The following KCTD7 variants were observed in gnomAD, a reference collection of about 807,000 sequenced individuals.
The protein encoded by KCTD7 is BTB/POZ domain-containing protein KCTD7.
A neutral mutation model predicts 27.0 loss-of-function variants in KCTD7; 15 were observed. The observed-to-expected ratio is 0.56, with a 90% confidence interval of 0.37 to 0.86. The LOEUF is 0.86. Among genes scored for constraint, KCTD7 ranks in the 40% least tolerant of loss-of-function variants. The pLI is 0.00. For missense variants in KCTD7, 299 were observed against 398.9 expected (o/e 0.75, Z 2.13); for synonymous variants, 159 against 162.7 (o/e 0.98, Z 0.17).
Position 66,642,175 on chromosome 7 carries a change from C to G in KCTD7, c.*2943C>G. 1 of 985,404 alleles carries G rather than the reference C, an allele frequency of 1.0e-6. No homozygotes were observed. The highest frequency in any genetic ancestry group is 1.2e-6 in the Non-Finnish European group (1 of 829,930). The allele number at this position is 985,404 out of a possible 1,614,324, so 61.0% of individuals were successfully genotyped here. On this transcript the variant is annotated 3_prime_UTR_variant, in exon 4 of 4. Transcript: ENST00000639828. Reference sequence around the variant, plus strand: ...GCAACAAAAAAAGACTGAAGCAAAACCACACTGAAATGCATCCCACTCCAG... The same window carrying G: ...GCAACAAAAAAAGACTGAAGCAAAAGCACACTGAAATGCATCCCACTCCAG...
chr7:66,639,767 G>C lies in KCTD7; in HGVS notation c.*535G>C, dbSNP rs1455764731. 1 of 1,250,640 alleles carries C rather than the reference G, an allele frequency of 8.0e-7. No individual in the cohort carries two copies. The highest frequency in any genetic ancestry group is 1.0e-6 in the Non-Finnish European group (1 of 998,770). 77.5% of individuals were successfully genotyped at this position (1,250,640 alleles called of 1,614,324 possible). A position where few individuals can be genotyped will look rare whatever the true frequency, so the allele number is the denominator to read the frequency against. ...TCCCACTGCACCCCTTCTCCTCCAA[G>C]AATAGTTGCCCACATTCCCAAAATG... On this transcript the variant is annotated 3_prime_UTR_variant, in exon 4 of 4. Coordinates refer to ENST00000639828, the MANE Select transcript of KCTD7 (RefSeq NM_153033.5).
At chr7:66,632,209 C>T (rs1041858451) in intron 1 of KCTD7, among the ~76,000 whole-genome samples, 7 of 150,204 alleles carry the variant, frequency 4.7e-5, no homozygotes, top group East Asian at 2.0e-4. Flanking sequence ...CATAGCAGGC[C>T]GGGCGTGGTG....
rs1024147017 is a variant in KCTD7 at position 66,642,150 on chromosome 7, G to C, written c.*2918G>C. On this transcript the variant is annotated 3_prime_UTR_variant, in exon 4 of 4. Coordinates refer to ENST00000639828, the MANE Select transcript of KCTD7 (RefSeq NM_153033.5). ...TAAAAATAAAAAAGCTAATGTTATA[G>C]CAACAAAAAAAGACTGAAGCAAAAC... 3.0e-6 allele frequency: 3 copies of C among 985,202 alleles called. No individual in the cohort carries two copies. In the African/African-American group the frequency reaches 5.2e-5, roughly 17 times the overall value. 61.0% of individuals were successfully genotyped at this position (985,202 alleles called of 1,614,324 possible).
At chr7:66,630,521 G>A (rs1249373484) in intron 1 of KCTD7, among the ~76,000 whole-genome samples, 2 of 152,222 alleles carry the variant, frequency 1.3e-5, no homozygotes, top group East Asian at 3.8e-4. Flanking sequence ...CCAGGAGCAT[G>A]TGGTATGCGG....
chr7:66,630,122 C>T (rs1786413199), intron 1 of KCTD7, among the ~76,000 whole-genome samples: 1 of 152,042 alleles, frequency 6.6e-6, no homozygotes, highest in Admixed American at 6.6e-5. Flanking sequence ...TGAAAATTAG[C>T]CAGGCTTGGT....
intron 2 of KCTD7, among the ~76,000 whole-genome samples, chr7:66,637,981 AG>A (rs1296728837): frequency 9.2e-5 from 14 of 152,368 alleles, no homozygotes; most frequent in African/African-American, 2.9e-4. Context: ...TAGTAATTAT[AG>A]TTGCTTACTG....
intron 1 of KCTD7, among the ~76,000 whole-genome samples, chr7:66,632,564 A>G (rs1055488246): frequency 1.3e-5 from 2 of 152,096 alleles, no homozygotes; most frequent in African/African-American, 4.8e-5. Flanking sequence ...TGAACAACCT[A>G]TAACACTGTA....
At position 66,639,921 on chromosome 7, in the gene KCTD7, C is replaced by T. The variant is rs368295714; in HGVS notation, c.*689C>T. The T allele has an allele frequency of 4.5e-5, 56 of 1,246,074 alleles. 1 individual carries two copies. In the South Asian group the frequency reaches 8.2e-4, roughly 18 times the overall value. 77.2% of individuals were successfully genotyped at this position (1,246,074 alleles called of 1,614,324 possible). ...AATGTTTACAGCCCTGTCTTAGGGCCGCGGCTTCTCTTATCTTCCACCACC... is the reference window on the plus strand; with the variant it reads ...AATGTTTACAGCCCTGTCTTAGGGCTGCGGCTTCTCTTATCTTCCACCACC... On this transcript the variant is annotated 3_prime_UTR_variant, in exon 4 of 4. Coordinates refer to ENST00000639828, the MANE Select transcript of KCTD7 (RefSeq NM_153033.5).
chr7:66,643,195 G>A (rs775002582), downstream of KCTD7: 36 of 985,318 alleles, frequency 3.7e-5, no homozygotes, highest in Non-Finnish European at 4.2e-5. Context: ...CCTGAGACCA[G>A]CAGCTGAATT....
At chr7:66,629,865 G>T (rs1786408120) in intron 1 of KCTD7, among the ~76,000 whole-genome samples, 1 of 152,276 alleles carries the variant, frequency 6.6e-6, no homozygotes, top group Admixed American at 6.5e-5. Context: ...CGGTCACCTG[G>T]CATCCCATGG....
At position 66,642,704 on chromosome 7, in the gene KCTD7, TAAAAG is replaced by T. The variant is rs925503205; in HGVS notation, c.*3474_*3478del. On this transcript the variant is annotated 3_prime_UTR_variant, in exon 4 of 4. Transcript: ENST00000639828. Reference sequence around the variant, plus strand: ...AAGGTGGTACCTGTCTCATGATCCTTAAAAGAGAGAGGCTTTTTTCATCCAAAGCT... The same window carrying T: ...AAGGTGGTACCTGTCTCATGATCCTTAGAGAGGCTTTTTTCATCCAAAGCT... 3 of 985,322 alleles carry T rather than the reference TAAAAG, an allele frequency of 3.0e-6. No individual in the cohort carries two copies. The highest frequency in any genetic ancestry group is 3.5e-5 in the African/African-American group (2 of 57,226). The allele number at this position is 985,322 out of a possible 1,614,324, so 61.0% of individuals were successfully genotyped here.
At chr7:66,631,209 A>G (rs1258500006) in intron 1 of KCTD7, among the ~76,000 whole-genome samples, 1 of 152,140 alleles carries the variant, frequency 6.6e-6, no homozygotes, top group Non-Finnish European at 1.5e-5. Context: ...TTTGTACCCT[A>G]TTTTATTTCA....
At chr7:66,638,573 T>A (rs927872891) in intron 3 of KCTD7, 142 bp downstream of exon 3, 1 of 988,664 alleles carries the variant, frequency 1.0e-6, no homozygotes, top group Non-Finnish European at 1.5e-6. Context: ...CCCTTCCCAG[T>A]CACGCTGGGG....
At chr7:66,629,845 G>C in intron 1 of KCTD7, among the ~76,000 whole-genome samples, 1 of 152,214 alleles carries the variant, frequency 6.6e-6, no homozygotes. Context: ...CCAGTTCATA[G>C]ATGTAGGCAC....
rs1015706730 is a variant in KCTD7, at chr7:66,641,360, T to G, written c.*2128T>G. ...TCTGTGTGAACAGAGAGCAGTTCAT[T>G]AAGCCCATTGCTTTCAGTAATGTGG... On this transcript the variant is annotated 3_prime_UTR_variant, in exon 4 of 4. Transcript: ENST00000639828. The G allele has an allele frequency of 8.1e-6, 8 of 985,430 alleles. No individual in the cohort carries two copies. The highest frequency in any genetic ancestry group is 8.4e-6 in the Non-Finnish European group (7 of 829,942). 61.0% of individuals were successfully genotyped at this position (985,430 alleles called of 1,614,324 possible). A position where few individuals can be genotyped will look rare whatever the true frequency, so the allele number is the denominator to read the frequency against.
At position 66,640,195 on chromosome 7, in the gene KCTD7, C is replaced by A. The variant is rs1786683733; in HGVS notation, c.*963C>A. 2.1e-6 allele frequency: 3 copies of A among 1,438,702 alleles called. No homozygotes were observed. Among genetic ancestry groups the A allele is most frequent in the Non-Finnish European group, 1.8e-6 (2 of 1,104,062 alleles). The allele number at this position is 1,438,702 out of a possible 1,614,324, so 89.1% of individuals were successfully genotyped here. Reference sequence around the variant, plus strand: ...CCTGTTCCTCTGTCCTGGTAACATTCTCCTTCTAGGAGAGCCTCTCTTCTG... The same window carrying A: ...CCTGTTCCTCTGTCCTGGTAACATTATCCTTCTAGGAGAGCCTCTCTTCTG... On this transcript the variant is annotated 3_prime_UTR_variant, in exon 4 of 4. Coordinates refer to ENST00000639828, the MANE Select transcript of KCTD7 (RefSeq NM_153033.5).
In KCTD7 at chr7:66,639,910, T is replaced by C; in HGVS notation, c.*678T>C. 2.4e-6 allele frequency: 3 copies of C among 1,247,612 alleles called. No individual in the cohort carries two copies. The highest frequency in any genetic ancestry group is 2.0e-6 in the Non-Finnish European group (2 of 997,570). The allele number at this position is 1,247,612 out of a possible 1,614,324, so 77.3% of individuals were successfully genotyped here. On this transcript the variant is annotated 3_prime_UTR_variant, in exon 4 of 4. Coordinates refer to ENST00000639828, the MANE Select transcript of KCTD7 (RefSeq NM_153033.5). ...TAGAAAACCACAATGTTTACAGCCC[T>C]GTCTTAGGGCCGCGGCTTCTCTTAT...
rs1345670398 is a variant in KCTD7 at position 66,642,723 on chromosome 7, T to C, written c.*3491T>C. ...GATCCTTAAAAGAGAGAGGCTTTTT[T>C]CATCCAAAGCTGTAGTGTTGGGAAC... On this transcript the variant is annotated 3_prime_UTR_variant, in exon 4 of 4. Transcript: ENST00000639828. The C allele has an allele frequency of 2.0e-6, 2 of 985,440 alleles. No individual in the cohort carries two copies. Among genetic ancestry groups the C allele is most frequent in the East Asian group, 2.3e-4 (2 of 8,812 alleles). The allele number at this position is 985,440 out of a possible 1,614,324, so 61.0% of individuals were successfully genotyped here. A position where few individuals can be genotyped will look rare whatever the true frequency, so the allele number is the denominator to read the frequency against.
chr7:66,636,940 A>G (rs1786599925), intron 2 of KCTD7, among the ~76,000 whole-genome samples: 2 of 152,200 alleles, frequency 1.3e-5, no homozygotes, highest in Admixed American at 6.5e-5. Flanking sequence ...AGTGGCAAGG[A>G]TGGGGAACAC....
Sources: gnomAD v4.1 joint callset for allele counts (sites outside exome capture counted in the v4.1 genomes callset) on GRCh38, gnomAD v4.1.1 for gene constraint, MANE v1.5 for transcripts, NCBI Gene and HGNC (gene_info 2026-07-23, HGNC 2026-07-21) for gene names.